SDK1: variants seen among roughly 807,000 people sequenced by gnomAD.
The protein encoded by SDK1 is sidekick cell adhesion molecule 1, also known as protein sidekick-1.
SDK1 carries 157 observed loss-of-function variants against 245.5 expected under a neutral mutation model. The ratio of observed to expected loss-of-function variants is 0.64; its 90% CI spans 0.56 to 0.73. SDK1 has a LOEUF of 0.73. Ranked by LOEUF, SDK1 falls within the 30% of genes least tolerant of loss-of-function variation. The probability of loss-of-function intolerance (pLI) is 0.00; values close to 1 mark genes in which losing one functional copy is unlikely to be tolerated. For synonymous variants in SDK1, 1,647 were observed against 1,278.5 expected, an observed-to-expected ratio of 1.29 and a Z score of -6.15; for missense variants, 3,583 against 3,002.3, an observed-to-expected ratio of 1.19 and a Z score of -4.52.
chr7:3,514,349 A>G (rs1197095526), intron 1 of SDK1, among the ~76,000 whole-genome samples: 3 of 152,226 alleles, frequency 2.0e-5, no homozygotes, highest in African/African-American at 7.2e-5. Context: ...AAAAATATAT[A>G]CTTAAAACAC....
rs574082638 is a variant in SDK1, at chr7:3,575,549, G to C, written c.299-43531G>C. ...TGGGGTGAGGGGGGACACCCACATT[G>C]GCTGTAGATAGTGCTTTTTGCTGGG... On this transcript the variant is annotated intron_variant, in intron 1 of 44. Coordinates refer to ENST00000404826, the MANE Select transcript of SDK1 (RefSeq NM_152744.4). Among the ~76,000 whole-genome samples the C allele has an allele frequency of 2.0e-5, 3 of 152,084 alleles. No homozygotes were observed. In the South Asian group the frequency reaches 6.2e-4, roughly 32 times the overall value.
At chr7:3,383,676 C>T (rs1038860732) in intron 1 of SDK1, among the ~76,000 whole-genome samples, 4 of 152,132 alleles carry the variant, frequency 2.6e-5, no homozygotes, top group Admixed American at 6.5e-5. Context: ...ATTAATTACA[C>T]GACTGAGAAA....
intron 19 of SDK1, among the ~76,000 whole-genome samples, chr7:4,067,400 G>A (rs1779975250): frequency 6.6e-6 from 1 of 152,184 alleles, no homozygotes; most frequent in African/African-American, 2.4e-5. Flanking sequence ...TGGCAGGTGA[G>A]CCTGCCCCTG....
At chr7:3,567,663 A>G (rs1779969274) in intron 1 of SDK1, among the ~76,000 whole-genome samples, 1 of 152,118 alleles carries the variant, frequency 6.6e-6, no homozygotes. Flanking sequence ...TCATTCCAGA[A>G]TTGTCAGGAG....
At chr7:3,577,670 A>T (rs2128631582) in intron 1 of SDK1, among the ~76,000 whole-genome samples, 1 of 152,162 alleles carries the variant, frequency 6.6e-6, no homozygotes, top group Middle Eastern at 3.4e-3. Context: ...AATGTCTGTT[A>T]GGTTAAATTA....
chr7:3,722,586 G>C (rs1778848318), intron 4 of SDK1, among the ~76,000 whole-genome samples: 1 of 152,188 alleles, frequency 6.6e-6, no homozygotes, highest in Non-Finnish European at 1.5e-5. Flanking sequence ...GATGCACTGT[G>C]TGTACGCGCC....
intron 1 of SDK1, among the ~76,000 whole-genome samples, chr7:3,536,826 A>G (rs368626998): frequency 5.9e-5 from 9 of 152,346 alleles, no homozygotes; most frequent in African/African-American, 9.6e-5. Context: ...ATTTTTAACA[A>G]TTGATATTTT....
At chr7:3,712,579 A>G (rs1322210602) in intron 4 of SDK1, among the ~76,000 whole-genome samples, 1 of 152,166 alleles carries the variant, frequency 6.6e-6, no homozygotes, top group African/African-American at 2.4e-5. Context: ...CCTGGTGCCA[A>G]GAAGGTTGGG....
chr7:3,708,025 C>G (rs900630936), intron 4 of SDK1, among the ~76,000 whole-genome samples: 4 of 152,046 alleles, frequency 2.6e-5, no homozygotes, highest in Non-Finnish European at 5.9e-5. Context: ...GTTTAGATAG[C>G]TCATGGTACT....
chr7:3,761,684 C>T (rs1448793126), intron 4 of SDK1, among the ~76,000 whole-genome samples: 1 of 151,612 alleles, frequency 6.6e-6, no homozygotes, highest in Non-Finnish European at 1.5e-5. Flanking sequence ...AGGAATGACT[C>T]AGGAGTTTTG....
chr7:3,608,792 C>T (rs1184637969), intron 1 of SDK1, among the ~76,000 whole-genome samples: 9 of 152,154 alleles, frequency 5.9e-5, no homozygotes, highest in African/African-American at 1.2e-4. Flanking sequence ...TCAGAGTCCG[C>T]GTTGCAACTA....
At chr7:4,051,124 C>T (rs1470798436) in intron 18 of SDK1, among the ~76,000 whole-genome samples, 7 of 134,224 alleles carry the variant, frequency 5.2e-5, no homozygotes, top group African/African-American at 1.7e-4. Context: ...ATAATATATA[C>T]ATATTATATA....
chr7:3,538,913 G>A (rs1392734095), intron 1 of SDK1, among the ~76,000 whole-genome samples: 1 of 152,262 alleles, frequency 6.6e-6, no homozygotes, highest in Non-Finnish European at 1.5e-5. Flanking sequence ...CAAAGAGGCA[G>A]ACGGAATCTT....
intron 13 of SDK1, among the ~76,000 whole-genome samples, chr7:3,983,690 C>T (rs569945111): frequency 2.0e-5 from 3 of 152,312 alleles, no homozygotes; most frequent in African/African-American, 7.2e-5. Context: ...TCACAAGGCC[C>T]TTCACATTAT....
intron 1 of SDK1, among the ~76,000 whole-genome samples, chr7:3,395,500 G>C (rs1781873995): frequency 6.6e-6 from 1 of 151,762 alleles, no homozygotes; most frequent in African/African-American, 2.4e-5. Flanking sequence ...GAATATTCTA[G>C]AATGAGATGT....
chr7:4,058,053 T>C (rs1305000566), intron 19 of SDK1, among the ~76,000 whole-genome samples: 1 of 151,300 alleles, frequency 6.6e-6, no homozygotes, highest in Non-Finnish European at 1.5e-5. Flanking sequence ...AGCAACAGAT[T>C]CCAATGAAAA....
At chr7:4,029,774 C>T (rs1036665437) in intron 17 of SDK1, among the ~76,000 whole-genome samples, 1 of 152,110 alleles carries the variant, frequency 6.6e-6, no homozygotes, top group African/African-American at 2.4e-5. Flanking sequence ...GAGATGGCAT[C>T]CCTGTCAAAT....
intron 44 of SDK1, among the ~76,000 whole-genome samples, chr7:4,255,786 A>T (rs192642345): frequency 2.4e-4 from 37 of 152,190 alleles, no homozygotes; most frequent in South Asian, 2.1e-3. Context: ...AGCTGGGGGA[A>T]TTGGATAGGG....
intron 4 of SDK1, among the ~76,000 whole-genome samples, chr7:3,782,919 A>G (rs1780788894): frequency 6.6e-6 from 1 of 152,240 alleles, no homozygotes; most frequent in Admixed American, 6.5e-5. Flanking sequence ...GAACATTATA[A>G]GAAAGAGAGT....
Sources: allele counts gnomAD v4.1 joint callset (sites outside exome capture counted in the v4.1 genomes callset), GRCh38; gene constraint gnomAD v4.1.1; transcripts MANE v1.5; gene names NCBI Gene and HGNC (gene_info 2026-07-23, HGNC 2026-07-21).